The following GATA4 variants were observed in gnomAD, a reference collection of about 807,000 sequenced individuals.
GATA4 encodes transcription factor GATA-4.
GATA4 carries 7 observed loss-of-function variants against 37.9 expected under a neutral mutation model. The observed-to-expected ratio is 0.18, with a 90% CI of 0.11 to 0.35. GATA4 has a LOEUF of 0.35. Among genes scored for constraint, GATA4 ranks in the 10% least tolerant of loss-of-function variants. GATA4 has a pLI of 1.00. For synonymous variants in GATA4, 372 were observed against 292.6 expected, an observed-to-expected ratio of 1.27 and a Z score of -2.77; for missense variants, 647 against 653.0, an observed-to-expected ratio of 0.99 and a Z score of 0.10.
chr8:11,730,787 G>A (rs1801166772), intron 2 of GATA4, among the ~76,000 whole-genome samples: 1 of 152,230 alleles, frequency 6.6e-6, no homozygotes, highest in Non-Finnish European at 1.5e-5. Flanking sequence ...TCCATGGGCA[G>A]GAGAAGAAAC....
chr8:11,678,663 G>A (rs1374429395), intron 1 of GATA4, among the ~76,000 whole-genome samples: 1 of 152,226 alleles, frequency 6.6e-6, no homozygotes, highest in Non-Finnish European at 1.5e-5. Context: ...AGTAGCAGTA[G>A]TTGTTGTAGT....
upstream of GATA4, among the ~76,000 whole-genome samples, chr8:11,701,391 CAA>C (rs750927254): frequency 2.2e-4 from 34 of 152,150 alleles, no homozygotes; most frequent in Non-Finnish European, 3.7e-4. Context: ...TAAAAATAGC[CAA>C]GAGGCCGGAC....
intron 1 of GATA4, chr8:11,697,948 C>T (rs1799554479): frequency 2.2e-5 from 22 of 985,346 alleles, no homozygotes; most frequent in Non-Finnish European, 2.7e-5. Context: ...AGGTCTTGGG[C>T]CTGGCGGCGC....
Position 11,708,852 on chromosome 8 carries a change from C to T in GATA4, c.540C>T (p.Ser180=), listed in dbSNP as rs1276567542. Residue 180 remains serine, a synonymous_variant, in exon 2 of 7, where the codon TCC becomes TCT. Coordinates refer to ENST00000532059, the MANE Select transcript of GATA4 (RefSeq NM_001308093.3). This position sits in a 1 kb window ranked among gnomAD's most constrained non-coding sequence, Gnocchi z 6.7. ...CCTGGGCCGCAGCCGCCGCCGCCTC[C>T]GCCGGCCCCTTCGACAGCCCGGTCC... The part of the protein sequence containing the change: ...GASWAAAAAA[S]AGPFDSPVLH... 6.7e-7 allele frequency: 1 copy of T among 1,503,420 alleles called. No homozygotes were observed. The highest frequency in any genetic ancestry group is 2.1e-5 in the Admixed American group (1 of 47,636). 93.1% of individuals were successfully genotyped at this position (1,503,420 alleles called of 1,614,324 possible).
At chr8:11,694,438 C>T (rs1416005325) in intron 1 of GATA4, 2 of 980,576 alleles carry the variant, frequency 2.0e-6, no homozygotes, top group Admixed American at 6.1e-5. Flanking sequence ...CCTTTCTTTT[C>T]TTCCCCCAGA....
At chr8:11,692,710 G>A in intron 1 of GATA4, 1 of 985,150 alleles carries the variant, frequency 1.0e-6, no homozygotes, top group Non-Finnish European at 1.2e-6. Flanking sequence ...TCCGTCGGGA[G>A]GCTGGGAGGG....
At chr8:11,692,186 C>G (rs1375951898), upstream of GATA4, 1 of 325,916 alleles carries the variant, frequency 3.1e-6, no homozygotes, top group South Asian at 1.2e-4. Context: ...TCCCCAAAGG[C>G]AAGAGAAGAA....
At chr8:11,757,202 C>T in intron 6 of GATA4, 119 bp downstream of exon 6, 1 of 1,423,040 alleles carries the variant, frequency 7.0e-7, no homozygotes, top group Non-Finnish European at 9.5e-7. Context: ...AAGCAGTGAG[C>T]TACCCTCTGC....
At chr8:11,735,747 G>A (rs893607240) in intron 2 of GATA4, among the ~76,000 whole-genome samples, 1 of 152,188 alleles carries the variant, frequency 6.6e-6, no homozygotes, top group Non-Finnish European at 1.5e-5. Context: ...TTTTAGTAGA[G>A]ATGGGGTTTC....
At chr8:11,726,816 C>G (rs1419197024) in intron 2 of GATA4, among the ~76,000 whole-genome samples, 5 of 152,202 alleles carry the variant, frequency 3.3e-5, no homozygotes, top group African/African-American at 1.2e-4. Flanking sequence ...ATGGTGCCCT[C>G]CTGGCTTCCA....
At chr8:11,721,952 T>C (rs1800695721) in intron 2 of GATA4, among the ~76,000 whole-genome samples, 4 of 152,214 alleles carry the variant, frequency 2.6e-5, no homozygotes, top group Admixed American at 2.6e-4. Context: ...CATTTGAACC[T>C]CTCTCACTTT....
intron 2 of GATA4, among the ~76,000 whole-genome samples, chr8:11,723,817 T>C (rs973067129): frequency 2.0e-5 from 3 of 152,226 alleles, no homozygotes; most frequent in Admixed American, 2.0e-4. Flanking sequence ...TCTTAAACTA[T>C]ACATAAGATA....
Position 11,758,843 on chromosome 8 carries a change from G to T in GATA4, c.*368G>T, listed in dbSNP as rs367895649. 1.1e-3 allele frequency: 376 copies of T among 343,634 alleles called. 3 individuals are homozygous for T. Among genetic ancestry groups the T allele is most frequent in the South Asian group, 9.1e-3 (360 of 39,752 alleles). 21.3% of individuals were successfully genotyped at this position (343,634 alleles called of 1,614,324 possible). A position where few individuals can be genotyped will look rare whatever the true frequency, so the allele number is the denominator to read the frequency against. ...GATCTGAGAACAAGCGGAGGGCCGG[G>T]CCCTGGGACCCCTGCTCCAGCCCGA... On this transcript the variant is annotated 3_prime_UTR_variant, in exon 7 of 7. Coordinates refer to ENST00000532059, the MANE Select transcript of GATA4 (RefSeq NM_001308093.3).
Position 11,725,018 on chromosome 8 carries a change from G to A in GATA4, c.616+16090G>A, listed in dbSNP as rs569732557. 4.6e-5 allele frequency among the ~76,000 whole-genome samples: 7 copies of A among 152,368 alleles called. No individual in the cohort carries two copies. In the East Asian group the frequency reaches 1.2e-3, roughly 25 times the overall value. ...CGGGCTGGGGGTGGGTCATCCTGAC[G>A]TTGCCCGCTCAGGGGTGGCCTTCAC... is the stretch of plus-strand genomic sequence containing the variant. On this transcript the variant is annotated intron_variant, in intron 2 of 6. Transcript: ENST00000532059.
intron 1 of GATA4, among the ~76,000 whole-genome samples, chr8:11,687,105 G>T (rs1460944477): frequency 6.6e-6 from 1 of 152,172 alleles, no homozygotes; most frequent in African/African-American, 2.4e-5. Flanking sequence ...ATGTGCAGAG[G>T]ATGCCTTCCA....
intron 2 of GATA4, among the ~76,000 whole-genome samples, chr8:11,743,026 C>T (rs1205707915): frequency 1.3e-5 from 2 of 152,250 alleles, no homozygotes; most frequent in East Asian, 1.9e-4. Context: ...CCTTGGCCCC[C>T]TCTGGCCCCT....
At chr8:11,677,263 A>G (rs1798815073) in intron 1 of GATA4, among the ~76,000 whole-genome samples, 1 of 152,194 alleles carries the variant, frequency 6.6e-6, no homozygotes, top group African/African-American at 2.4e-5. Context: ...CTTTGCGGAC[A>G]GGAAGGAAGG....
intron 1 of GATA4, chr8:11,680,956 G>A (rs1023705262): frequency 6.1e-5 from 60 of 984,874 alleles, no homozygotes; most frequent in Admixed American, 6.2e-5. Context: ...GTGTCCCCCA[G>A]GTTAGGCTGC....
intron 1 of GATA4, chr8:11,694,583 A>C (rs1563191069): frequency 2.3e-6 from 2 of 860,142 alleles, no homozygotes; most frequent in South Asian, 1.1e-4. Context: ...CATGGAAGCC[A>C]AACTGTCTGC....
Sources: allele counts gnomAD v4.1 joint callset (sites outside exome capture counted in the v4.1 genomes callset), GRCh38; gene constraint gnomAD v4.1.1; non-coding constraint Gnocchi (gnomAD v3.1); transcripts MANE v1.5; gene names NCBI Gene and HGNC (gene_info 2026-07-23, HGNC 2026-07-21).